The following CCND3 variants were observed in gnomAD, a reference collection of about 807,000 sequenced individuals.
CCND3 encodes G1/S-specific cyclin-D3.
A neutral mutation model predicts 28.7 loss-of-function variants in CCND3; 9 were observed. The ratio of observed to expected loss-of-function variants is 0.31; its 90% confidence interval spans 0.19 to 0.55. The LOEUF (loss-of-function observed/expected upper bound fraction) is 0.55. CCND3 is among the 20% of genes least tolerant of loss of function. The pLI, the probability that CCND3 is intolerant of heterozygous loss-of-function variation, is 0.93. For missense variants in CCND3, 315 were observed against 385.8 expected, an observed-to-expected ratio of 0.82 and a Z score of 1.54; for synonymous variants, 164 against 163.9, an observed-to-expected ratio of 1.00 and a Z score of 0.00.
intron 1 of CCND3, 155 bp from the exon 2 acceptor site, chr6:41,940,740 C>A: frequency 1.3e-6 from 1 of 746,716 alleles, no homozygotes; most frequent in Admixed American, 2.1e-5. Context: ...GGAGGATGCG[C>A]CCTCCCCAAG....
intron 1 of CCND3, among the ~76,000 whole-genome samples, chr6:41,952,528 T>G (rs1776340048): frequency 6.6e-6 from 1 of 152,328 alleles, no homozygotes; most frequent in South Asian, 2.1e-4. Context: ...TGCTTGGGGA[T>G]GGAGGAGGAG....
intron 1 of CCND3, among the ~76,000 whole-genome samples, chr6:41,974,889 T>A (rs1451663231): frequency 6.8e-6 from 1 of 147,778 alleles, no homozygotes; most frequent in Non-Finnish European, 1.5e-5. Context: ...GCCTCCCAGG[T>A]TCAAGCGATT....
intron 1 of CCND3, among the ~76,000 whole-genome samples, chr6:42,003,525 CAAAAAAAAAAAAAAAAAAAAAA>C (rs61494473): frequency 0.54 from 39,683 of 73,568 alleles, 6,696 homozygotes; most frequent in Middle Eastern, 0.63. Flanking sequence ...GACTCTGTCT[CAAAAAAAAAAAAAAAAAAAAAA>C]AAAAAAAAAA....
chr6:41,991,575 A>G (rs575697101), intron 1 of CCND3, among the ~76,000 whole-genome samples: 1 of 152,218 alleles, frequency 6.6e-6, no homozygotes, highest in African/African-American at 2.4e-5. Flanking sequence ...CATCTCAAAC[A>G]TTTGTCATTT....
At chr6:41,993,109 C>G (rs749969762) in intron 1 of CCND3, among the ~76,000 whole-genome samples, 5 of 152,078 alleles carry the variant, frequency 3.3e-5, no homozygotes, top group Non-Finnish European at 7.4e-5. Flanking sequence ...TGATGTGTTG[C>G]TTAAAATGGT....
intron 1 of CCND3, among the ~76,000 whole-genome samples, chr6:42,037,514 C>T (rs535945518): frequency 6.6e-6 from 1 of 151,994 alleles, no homozygotes; most frequent in Non-Finnish European, 1.5e-5. Context: ...GGATTACAGG[C>T]GTGAGCCACC....
At chr6:41,965,904 C>A (rs1761874153) in intron 1 of CCND3, among the ~76,000 whole-genome samples, 1 of 152,156 alleles carries the variant, frequency 6.6e-6, no homozygotes, top group African/African-American at 2.4e-5. Context: ...TTACAGTTTA[C>A]ATCTGAGTTA....
chr6:42,011,764 A>C (rs1763351456), intron 1 of CCND3, among the ~76,000 whole-genome samples: 1 of 152,156 alleles, frequency 6.6e-6, no homozygotes, highest in South Asian at 2.1e-4. Flanking sequence ...GTGGAGGGAG[A>C]GGGGTACTCC....
chr6:42,041,023 T>TG (rs1166732546), intron 1 of CCND3, among the ~76,000 whole-genome samples: 1 of 152,198 alleles, frequency 6.6e-6, no homozygotes, highest in Non-Finnish European at 1.5e-5. Context: ...CACATGGAAG[T>TG]GTTGTGTAAA....
intron 1 of CCND3, among the ~76,000 whole-genome samples, chr6:41,975,834 C>T (rs751397914): frequency 6.6e-6 from 1 of 151,210 alleles, no homozygotes; most frequent in Non-Finnish European, 1.5e-5. Flanking sequence ...TGATTGGAAG[C>T]CATTCTGTTT....
chr6:41,995,200 G>A (rs1315326529), intron 1 of CCND3, among the ~76,000 whole-genome samples: 2 of 152,114 alleles, frequency 1.3e-5, no homozygotes, highest in African/African-American at 2.4e-5. Context: ...AGTCCAATGG[G>A]AGGGAAATGG....
intron 1 of CCND3, among the ~76,000 whole-genome samples, chr6:41,959,535 T>C (rs1380979750): frequency 6.6e-6 from 1 of 151,228 alleles, no homozygotes; most frequent in Non-Finnish European, 1.5e-5. Flanking sequence ...ATACAAAAAA[T>C]TAGCTGGGCG....
chr6:42,022,713 C>T (rs1003621540), intron 1 of CCND3, among the ~76,000 whole-genome samples: 12 of 152,160 alleles, frequency 7.9e-5, no homozygotes, highest in African/African-American at 1.2e-4. Context: ...TTTACACATG[C>T]GTGGGTCTGG....
At chr6:41,958,517 A>G (rs1395953756) in intron 1 of CCND3, among the ~76,000 whole-genome samples, 1 of 152,176 alleles carries the variant, frequency 6.6e-6, no homozygotes, top group Non-Finnish European at 1.5e-5. Context: ...GCCACAAACA[A>G]TACAAAGACA....
chr6:41,999,383 G>A (rs144287463), intron 1 of CCND3, among the ~76,000 whole-genome samples: 2,476 of 152,098 alleles, frequency 0.016, 74 homozygotes, highest in African/African-American at 0.055. Flanking sequence ...CAAGTAGCTG[G>A]GATAACAGGC....
intron 1 of CCND3, among the ~76,000 whole-genome samples, chr6:41,985,928 C>G (rs1435340266): frequency 0.015 from 2 of 130 alleles, no homozygotes; most frequent in Non-Finnish European, 0.059. Flanking sequence ...CGCGCCCGGC[C>G]CAGTTTAAGT....
intron 1 of CCND3, among the ~76,000 whole-genome samples, chr6:42,002,376 G>T (rs962119275): frequency 8.0e-5 from 12 of 150,562 alleles, no homozygotes; most frequent in Non-Finnish European, 1.6e-4. Context: ...AACTTGGGAG[G>T]CTACAGTGAG....
In CCND3 at chr6:41,935,335, A is replaced by G. The variant is rs1775734961; in HGVS notation, c.*605T>C. On this transcript the variant is annotated 3_prime_UTR_variant, in exon 5 of 5. Coordinates refer to ENST00000372991, the MANE Select transcript of CCND3 (RefSeq NM_001760.5). ...ATGAGCCTTCAGCAGCAAAGCTGTC[A>G]ATCACACAGGAGAAGCTGAGCAGAA... The G allele has an allele frequency of 4.3e-6, 1 of 234,964 alleles. No homozygotes were observed. Among genetic ancestry groups the G allele is most frequent in the South Asian group, 1.8e-4 (1 of 5,576 alleles). 14.6% of individuals were successfully genotyped at this position (234,964 alleles called of 1,614,324 possible).
intron 1 of CCND3, among the ~76,000 whole-genome samples, chr6:41,956,584 A>C (rs1776442015): frequency 6.6e-6 from 1 of 152,234 alleles, no homozygotes; most frequent in South Asian, 2.1e-4. Context: ...ACAGCAAAGA[A>C]GAATGGATTT....
Sources: gnomAD v4.1 joint callset for allele counts (sites outside exome capture counted in the v4.1 genomes callset) on GRCh38, gnomAD v4.1.1 for gene constraint, MANE v1.5 for transcripts, NCBI Gene and HGNC (gene_info 2026-07-23, HGNC 2026-07-21) for gene names.